The following MGMT variants were observed in gnomAD, a reference collection of about 807,000 sequenced individuals.
The protein encoded by MGMT is methylated-DNA--protein-cysteine methyltransferase.
A neutral mutation model predicts 15.9 loss-of-function variants in MGMT; 14 were observed. The ratio of observed to expected loss-of-function variants is 0.88; its 90% confidence interval spans 0.58 to 1.37. The LOEUF (loss-of-function observed/expected upper bound fraction) is 1.37, where lower values mean the gene tolerates loss of function less well. Ranked by LOEUF, MGMT falls within the 40% of genes most tolerant of loss-of-function variation. The pLI is 0.00. For missense variants in MGMT, 282 were observed against 268.1 expected (o/e 1.05, Z -0.36); for synonymous variants, 130 against 118.2 (o/e 1.10, Z -0.65).
intron 2 of MGMT, among the ~76,000 whole-genome samples, chr10:129,567,009 G>A (rs1437961071): frequency 2.0e-5 from 3 of 152,108 alleles, no homozygotes; most frequent in African/African-American, 4.8e-5. Context: ...TCACGTCACC[G>A]GAGTGTGCGT....
intron 2 of MGMT, among the ~76,000 whole-genome samples, chr10:129,550,158 G>A (rs537320314): frequency 8.5e-5 from 13 of 152,320 alleles, no homozygotes; most frequent in African/African-American, 3.1e-4. Context: ...ACAGTTGAGC[G>A]ACATTAGTTG....
chr10:129,671,508 A>G (rs1195920245), intron 2 of MGMT, among the ~76,000 whole-genome samples: 2 of 152,070 alleles, frequency 1.3e-5, no homozygotes, highest in African/African-American at 2.4e-5. Context: ...CTGCTTTCAT[A>G]GCTCAGTAGC....
At chr10:129,676,369 G>A (rs1847786129) in intron 2 of MGMT, among the ~76,000 whole-genome samples, 1 of 152,232 alleles carries the variant, frequency 6.6e-6, no homozygotes, top group African/African-American at 2.4e-5. Flanking sequence ...GATGGCAACA[G>A]CGCTGGGGCC....
At chr10:129,620,482 A>G (rs879515107) in intron 2 of MGMT, among the ~76,000 whole-genome samples, 6 of 151,970 alleles carry the variant, frequency 3.9e-5, no homozygotes, top group East Asian at 1.9e-4. Context: ...GGTTCTGTCA[A>G]CTCTTGCCTT....
intron 3 of MGMT, among the ~76,000 whole-genome samples, chr10:129,710,131 A>T (rs2133144575): frequency 6.6e-6 from 1 of 152,292 alleles, no homozygotes; most frequent in South Asian, 2.1e-4. Flanking sequence ...AGCCCACGCC[A>T]GGCCAGGCTG....
At chr10:129,623,890 C>T (rs1227689828) in intron 2 of MGMT, among the ~76,000 whole-genome samples, 1 of 152,244 alleles carries the variant, frequency 6.6e-6, no homozygotes, top group African/African-American at 2.4e-5. Context: ...CCCACACCCT[C>T]TTCCTCAAGA....
intron 3 of MGMT, among the ~76,000 whole-genome samples, chr10:129,755,261 G>A (rs940227248): frequency 9.8e-5 from 15 of 152,366 alleles, no homozygotes; most frequent in Non-Finnish European, 1.8e-4. Context: ...TGCTTTTGAT[G>A]GCCAGGGAGC....
At chr10:129,605,432 T>G (rs1336141621) in intron 2 of MGMT, among the ~76,000 whole-genome samples, 1 of 152,328 alleles carries the variant, frequency 6.6e-6, no homozygotes, top group Non-Finnish European at 1.5e-5. Flanking sequence ...CATCTGTACA[T>G]CATTTCTGAC....
chr10:129,628,960 C>G (rs538865225), intron 2 of MGMT, among the ~76,000 whole-genome samples: 3 of 152,338 alleles, frequency 2.0e-5, no homozygotes, highest in African/African-American at 7.2e-5. Flanking sequence ...AGCTCTCTTC[C>G]CGCCCACTCC....
intron 3 of MGMT, among the ~76,000 whole-genome samples, chr10:129,718,636 C>A (rs1848329300): frequency 6.6e-6 from 1 of 152,258 alleles, no homozygotes; most frequent in African/African-American, 2.4e-5. Context: ...TTCCTTTGTC[C>A]TCTCCTGGTG....
intron 1 of MGMT, among the ~76,000 whole-genome samples, chr10:129,525,752 C>T (rs1440091300): frequency 6.6e-6 from 1 of 152,060 alleles, no homozygotes; most frequent in African/African-American, 2.4e-5. Context: ...AGATAGAAAC[C>T]TTCTTTCAAT....
intron 2 of MGMT, among the ~76,000 whole-genome samples, chr10:129,637,174 T>G (rs1489324420): frequency 6.6e-6 from 1 of 152,218 alleles, no homozygotes; most frequent in Non-Finnish European, 1.5e-5. Flanking sequence ...ATGAGTGCCT[T>G]CAAGAGTGTT....
At chr10:129,519,876 C>T (rs779716391) in intron 1 of MGMT, among the ~76,000 whole-genome samples, 37 of 152,240 alleles carry the variant, frequency 2.4e-4, no homozygotes, top group Non-Finnish European at 4.6e-4. Context: ...GCCGGCCTCT[C>T]TACACCATGA....
chr10:129,620,228 A>T (rs982217687), intron 2 of MGMT, among the ~76,000 whole-genome samples: 2 of 152,248 alleles, frequency 1.3e-5, no homozygotes, highest in African/African-American at 4.8e-5. Context: ...GTTTTTTAAT[A>T]TCACTCTGTT....
In MGMT at chr10:129,691,408, AC is replaced by A. The variant is rs139528158; in HGVS notation, c.126-16486del. Among the ~76,000 whole-genome samples, 65 of 152,336 alleles carry A rather than the reference AC, an allele frequency of 4.3e-4. 1 individual carries two copies. The highest frequency in any genetic ancestry group is 8.5e-4 in the Non-Finnish European group (58 of 68,028). On this transcript the variant is annotated intron_variant, in intron 2 of 4. Transcript: ENST00000651593. ...GAGCACAGCAGGCAGCTGGGCCCAG[AC>A]GTCAGCCCCAGGCAGTGTCCTGAAG...
intron 2 of MGMT, among the ~76,000 whole-genome samples, chr10:129,605,821 G>A (rs1846882893): frequency 6.6e-6 from 1 of 152,138 alleles, no homozygotes. Flanking sequence ...ACTGGTATGT[G>A]CTTGCGTGGC....
chr10:129,576,108 A>G (rs1046648382), intron 2 of MGMT, among the ~76,000 whole-genome samples: 2 of 152,230 alleles, frequency 1.3e-5, no homozygotes. Context: ...CCAGAGGTAT[A>G]AGGAAGAGCT....
intron 1 of MGMT, among the ~76,000 whole-genome samples, chr10:129,474,632 C>T (rs1023788471): frequency 7.2e-5 from 11 of 152,338 alleles, no homozygotes; most frequent in African/African-American, 2.6e-4. Flanking sequence ...GACCCAGGCT[C>T]ATTACCATTG....
At chr10:129,592,748 C>G (rs899147947) in intron 2 of MGMT, among the ~76,000 whole-genome samples, 1 of 151,984 alleles carries the variant, frequency 6.6e-6, no homozygotes, top group Non-Finnish European at 1.5e-5. Context: ...TTCTGTTAAG[C>G]CAGCTGTGGA....
Sources: gnomAD v4.1 joint callset for allele counts (sites outside exome capture counted in the v4.1 genomes callset) on GRCh38, gnomAD v4.1.1 for gene constraint, MANE v1.5 for transcripts, NCBI Gene and HGNC (gene_info 2026-07-23, HGNC 2026-07-21) for gene names.